Variants in DET1 observed in about 807,000 individuals in gnomAD.
The protein encoded by DET1 is DET1 partner of COP1 E3 ubiquitin ligase, also known as DET1 homolog.
In DET1, 22 loss-of-function variants were observed where a neutral mutation model predicts 43.7. The ratio of observed to expected loss-of-function variants is 0.50; its 90% CI spans 0.36 to 0.72. The LOEUF (loss-of-function observed/expected upper bound fraction) is 0.72. Among genes scored for constraint, DET1 ranks in the 30% least tolerant of loss-of-function variants. The probability of loss-of-function intolerance (pLI) is 0.00; values close to 1 mark genes in which losing one functional copy is unlikely to be tolerated. For missense variants in DET1, 713 were observed against 713.3 expected (o/e 1.00, Z 0.00); for synonymous variants, 315 against 266.2 (o/e 1.18, Z -1.79).
At chr15:88,527,217 G>C (rs1164662306) in intron 3 of DET1, among the ~76,000 whole-genome samples, 1 of 152,128 alleles carries the variant, frequency 6.6e-6, no homozygotes, top group African/African-American at 2.4e-5. Flanking sequence ...TGTCATTTGA[G>C]TGGGACTTAG....
rs79220853 is a variant in DET1 at position 88,519,281 on chromosome 15, C to T, written c.1272-2308G>A. Among the ~76,000 whole-genome samples the T allele has an allele frequency of 3.7e-3, 557 of 152,210 alleles. 3 individuals are homozygous for T. Among genetic ancestry groups the T allele is most frequent in the African/African-American group, 0.013 (543 of 41,526 alleles). On this transcript the variant is annotated intron_variant, in intron 3 of 4. Transcript: ENST00000268148. ...ATGTCTTCACACTTTAGTTCCTGCC[C>T]CAGTGTCACTCTGTCCAGCTATACC...
intron 1 of DET1, among the ~76,000 whole-genome samples, chr15:88,535,043 T>G (rs915659224): frequency 1.3e-5 from 2 of 152,128 alleles, no homozygotes; most frequent in African/African-American, 4.8e-5. Flanking sequence ...AATGTTCCAA[T>G]AAGTAATCAC....
chr15:88,523,559 T>C (rs2056563291), intron 3 of DET1, among the ~76,000 whole-genome samples: 1 of 152,136 alleles, frequency 6.6e-6, no homozygotes, highest in African/African-American at 2.4e-5. Context: ...CCTGCCTCAG[T>C]CTACCGAGTG....
intron 1 of DET1, among the ~76,000 whole-genome samples, chr15:88,545,590 C>T (rs182941186): frequency 4.7e-4 from 72 of 152,210 alleles, no homozygotes; most frequent in African/African-American, 1.5e-3. Context: ...AATTTTTAGG[C>T]CTTGTATATT....
intron 4 of DET1, among the ~76,000 whole-genome samples, chr15:88,514,998 A>G (rs1057266065): frequency 1.3e-5 from 2 of 152,146 alleles, no homozygotes; most frequent in African/African-American, 4.8e-5. Flanking sequence ...TTTATGTATA[A>G]AAAACACATA....
rs548507975 is a variant in DET1 at position 88,524,784 on chromosome 15, C to T, written c.1271+2815G>A. Among the ~76,000 whole-genome samples, 8 of 152,218 alleles carry T rather than the reference C, an allele frequency of 5.3e-5. No individual in the cohort carries two copies. In the South Asian group the frequency reaches 1.5e-3, roughly 28 times the overall value. On this transcript the variant is annotated intron_variant, in intron 3 of 4. Coordinates refer to ENST00000268148, the MANE Select transcript of DET1 (RefSeq NM_001144074.3). The stretch of plus-strand genomic sequence containing the variant: ...TTAAGAGTCATCACCACTCCCTAAT[C>T]TCAAGTACCCAGGGACACAAACACT...
At chr15:88,539,094 G>GCTCT (rs35379111) in intron 1 of DET1, among the ~76,000 whole-genome samples, 54 of 148,134 alleles carry the variant, frequency 3.6e-4, no homozygotes, top group Admixed American at 2.7e-3. Flanking sequence ...CTGGCAGACC[G>GCTCT]CTCTCTCTCT....
At chr15:88,535,438 G>GAAA (rs36091832) in intron 1 of DET1, among the ~76,000 whole-genome samples, 1 of 143,758 alleles carries the variant, frequency 7.0e-6, no homozygotes, top group Non-Finnish European at 1.5e-5. Context: ...AGAATGCTAA[G>GAAA]AAAAAAAAAA....
At chr15:88,543,721 G>T (rs1168016576) in intron 1 of DET1, among the ~76,000 whole-genome samples, 1 of 152,174 alleles carries the variant, frequency 6.6e-6, no homozygotes, top group Non-Finnish European at 1.5e-5. Context: ...ATGGGGTAAG[G>T]ATAAACGTAT....
chr15:88,511,514 T>C (rs775727865), downstream of DET1: 9 of 985,374 alleles, frequency 9.1e-6, no homozygotes, highest in Admixed American at 6.2e-5. Context: ...CACATTCCCA[T>C]TGATCCAACT....
rs1347832875 is a variant in DET1, at chr15:88,516,273, A to T, written c.1463+509T>A. On this transcript the variant is annotated intron_variant, in intron 4 of 4. Coordinates refer to ENST00000268148, the MANE Select transcript of DET1 (RefSeq NM_001144074.3). The surrounding 1 kb of genome is among the most constrained non-coding windows in gnomAD (Gnocchi z 4.4). ...TGAACTAGACTTCTGTGAGGAAAGA[A>T]TTTCTTGTAAGACGTCAGTTTCAAA... 6.6e-6 allele frequency among the ~76,000 whole-genome samples: 1 copy of T among 152,228 alleles called. No individual in the cohort carries two copies. The highest frequency in any genetic ancestry group is 2.4e-5 in the African/African-American group (1 of 41,458).
chr15:88,545,391 T>A (rs2142355854), intron 1 of DET1, among the ~76,000 whole-genome samples: 1 of 152,284 alleles, frequency 6.6e-6, no homozygotes. Flanking sequence ...ACAAAGTTGA[T>A]TTAACTGTTC....
chr15:88,502,928 A>T (rs954630964), intron 8 of DET1: 1 of 152,234 alleles, frequency 6.6e-6, no homozygotes, highest in Non-Finnish European at 1.5e-5. Context: ...TCCTCAATAA[A>T]TGTATAACAT....
chr15:88,521,516 T>C, intron 3 of DET1, among the ~76,000 whole-genome samples: 1 of 152,204 alleles, frequency 6.6e-6, no homozygotes, highest in South Asian at 2.1e-4. Flanking sequence ...TTTGCCTCTC[T>C]CCAGTGTCAG....
intron 7 of DET1, chr15:88,505,048 T>A (rs2056125910): frequency 6.6e-6 from 1 of 152,232 alleles, no homozygotes; most frequent in Admixed American, 6.5e-5. Flanking sequence ...TTGGCCTTTT[T>A]CAGATTTTGT....
At chr15:88,527,914 CA>C in intron 2 of DET1, 128 bp from the exon 3 acceptor site, 2 of 595,222 alleles carry the variant, frequency 3.4e-6, no homozygotes, top group Non-Finnish European at 5.3e-6. Flanking sequence ...ACAACAACAA[CA>C]ACAACAAGCA....
intron 1 of DET1, among the ~76,000 whole-genome samples, chr15:88,536,770 C>CAA (rs58177778): frequency 2.7e-4 from 13 of 48,018 alleles, no homozygotes; most frequent in East Asian, 1.8e-3. Context: ...GACTCCATCT[C>CAA]AAAAAAAAAA....
intron 3 of DET1, among the ~76,000 whole-genome samples, chr15:88,523,528 G>A (rs2056562353): frequency 6.6e-6 from 1 of 152,094 alleles, no homozygotes. Context: ...TCGGCTCACT[G>A]CAACCTCCCT....
chr15:88,537,576 C>T (rs1214640641), intron 1 of DET1, among the ~76,000 whole-genome samples: 3 of 152,186 alleles, frequency 2.0e-5, no homozygotes, highest in African/African-American at 4.8e-5. Flanking sequence ...TGCTTTTGCC[C>T]TACATAGGCA....
Sources: allele counts gnomAD v4.1 joint callset (sites outside exome capture counted in the v4.1 genomes callset), GRCh38; gene constraint gnomAD v4.1.1; non-coding constraint Gnocchi (gnomAD v3.1); transcripts MANE v1.5; gene names NCBI Gene and HGNC (gene_info 2026-07-23, HGNC 2026-07-21).